BRD1: variants seen among roughly 807,000 people sequenced by gnomAD.
BRD1 encodes bromodomain-containing protein 1.
A neutral mutation model predicts 107.7 loss-of-function variants in BRD1; 24 were observed. The observed-to-expected ratio is 0.22, with a 90% CI of 0.16 to 0.31. The LOEUF is 0.31. Among genes scored for constraint, BRD1 ranks in the 10% least tolerant of loss-of-function variants. The pLI is 1.00. For synonymous variants in BRD1, 744 were observed against 686.1 expected (o/e 1.08, Z -1.32); for missense variants, 1,279 against 1,638.6 (o/e 0.78, Z 3.79).
At chr22:49,819,094 C>CA (rs1401439544) in intron 2 of BRD1, among the ~76,000 whole-genome samples, 3 of 150,112 alleles carry the variant, frequency 2.0e-5, no homozygotes, top group Non-Finnish European at 3.0e-5. Context: ...CCCATCTCTA[C>CA]AAAAAAAATA....
chr22:49,797,548 T>C (rs376546988), intron 6 of BRD1, among the ~76,000 whole-genome samples: 1 of 152,126 alleles, frequency 6.6e-6, no homozygotes, highest in Non-Finnish European at 1.5e-5. Flanking sequence ...AGCTTATATA[T>C]CCTCAGTAAC....
intron 6 of BRD1, among the ~76,000 whole-genome samples, chr22:49,794,721 G>A (rs371651481): frequency 3.3e-5 from 5 of 152,192 alleles, no homozygotes; most frequent in African/African-American, 2.4e-5. Flanking sequence ...CAGAGGTGAC[G>A]ACTGGCAAAT....
chr22:49,800,905 G>A (rs1452706565), intron 3 of BRD1, among the ~76,000 whole-genome samples: 4 of 146,644 alleles, frequency 2.7e-5, no homozygotes, highest in African/African-American at 7.6e-5. Context: ...AGGGCTAGGC[G>A]ACGGTCAGGT....
At chr22:49,808,820 C>T (rs963441122) in intron 2 of BRD1, among the ~76,000 whole-genome samples, 4 of 152,130 alleles carry the variant, frequency 2.6e-5, no homozygotes, top group African/African-American at 9.7e-5. Context: ...TGAGTCAATA[C>T]ATCAGAAGAA....
chr22:49,786,164 G>C (rs1314288323), intron 8 of BRD1, among the ~76,000 whole-genome samples: 1 of 150,232 alleles, frequency 6.7e-6, no homozygotes, highest in Non-Finnish European at 1.5e-5. Context: ...AGGTATAACA[G>C]GCAGACAGGA....
Position 49,787,310 on chromosome 22 carries a change from C to T in BRD1, c.2857+80G>A, listed in dbSNP as rs1039152986. On this transcript the variant is annotated intron_variant, in intron 8 of 12. Transcript: ENST00000404760. ...AACAGAAGCTGGACACCCCCCCCCC[C>T]CCGTCACACCAATGATCCTGAAGGA... 12 of 1,138,788 alleles carry T rather than the reference C, an allele frequency of 1.1e-5. 1 individual carries two copies. Among genetic ancestry groups the T allele is most frequent in the Admixed American group, 5.9e-5 (2 of 33,634 alleles). The allele number at this position is 1,138,788 out of a possible 1,614,324, so 70.5% of individuals were successfully genotyped here.
chr22:49,798,250 C>T, intron 5 of BRD1, 133 bp from the exon 6 acceptor site: 1 of 1,015,956 alleles, frequency 9.8e-7, no homozygotes, highest in Non-Finnish European at 1.4e-6. Context: ...ACGGTACAGA[C>T]ATAAGACCCA....
intron 1 of BRD1, among the ~76,000 whole-genome samples, chr22:49,827,104 G>A (rs771192455): frequency 5.3e-5 from 8 of 151,856 alleles, no homozygotes; most frequent in Non-Finnish European, 1.0e-4. Context: ...TTACATAAGG[G>A]GCGGCCCGGC....
chr22:49,814,514 A>G (rs1405624665), intron 2 of BRD1, among the ~76,000 whole-genome samples: 1 of 152,220 alleles, frequency 6.6e-6, no homozygotes, highest in Non-Finnish European at 1.5e-5. Context: ...GTGCATGGGC[A>G]AGGGCCACAT....
intron 2 of BRD1, among the ~76,000 whole-genome samples, chr22:49,812,090 A>G (rs1039440423): frequency 6.7e-6 from 1 of 150,358 alleles, no homozygotes; most frequent in Non-Finnish European, 1.5e-5. Flanking sequence ...TATGGCAAGG[A>G]GCACAGTCTG....
chr22:49,804,485 A>G (rs1331151374), intron 2 of BRD1, 125 bp from the exon 3 acceptor site: 2 of 1,080,884 alleles, frequency 1.9e-6, no homozygotes, highest in Middle Eastern at 2.3e-4. Flanking sequence ...CTAAGCCATG[A>G]CACCTGTATT....
At chr22:49,791,168 C>T (rs935527089) in intron 7 of BRD1, among the ~76,000 whole-genome samples, 7 of 152,254 alleles carry the variant, frequency 4.6e-5, no homozygotes, top group Admixed American at 1.3e-4. Flanking sequence ...ACCCAGCTGA[C>T]ACGCAGCCCC....
At chr22:49,825,713 ACCCACAGCAG>A (rs1306614139) in intron 1 of BRD1, 2 of 152,264 alleles carry the variant, frequency 1.3e-5, no homozygotes, top group African/African-American at 4.8e-5. Context: ...GATCAGGGGC[ACCCACAGCAG>A]CCTTACCCTG....
At chr22:49,816,965 C>T (rs1476182705) in intron 2 of BRD1, among the ~76,000 whole-genome samples, 1 of 152,224 alleles carries the variant, frequency 6.6e-6, no homozygotes, top group Non-Finnish European at 1.5e-5. Flanking sequence ...TCCGCCAGGA[C>T]CTGAGGGAAG....
At position 49,783,670 on chromosome 22, in the gene BRD1, G is replaced by A. The variant is rs1032082954; in HGVS notation, c.2857+3720C>T. ...TCCAGAGGGAAGGCTGAGGTGCCACGACATCCCGCCAGCTCCAGGCGTGCA... is the reference window on the plus strand; with the variant it reads ...TCCAGAGGGAAGGCTGAGGTGCCACAACATCCCGCCAGCTCCAGGCGTGCA... On this transcript the variant is annotated intron_variant, in intron 8 of 12. Transcript: ENST00000404760. The surrounding 1 kb of genome is among the most constrained non-coding windows in gnomAD (Gnocchi z 4.2). 1.4e-5 allele frequency among the ~76,000 whole-genome samples: 2 copies of A among 144,630 alleles called. No homozygotes were observed. Among genetic ancestry groups the A allele is most frequent in the South Asian group, 2.4e-4 (1 of 4,134 alleles). The allele number at this position is 144,630 out of a possible 152,430, so 94.9% of individuals were successfully genotyped here.
chr22:49,823,492 TG>T lies in BRD1; in HGVS notation c.825del (p.Asn276ThrfsTer40). The T allele has an allele frequency of 6.2e-7, 1 of 1,607,412 alleles. No homozygotes were observed. On this transcript the variant is annotated frameshift_variant, in exon 2 of 13. Transcript: ENST00000404760. LOFTEE classifies it high-confidence loss of function. Reference protein sequence around the residue: ...RARPADCVLCPNKGGAFKKTD... With the variant: ...RARPADCVLCXNKGGAFKKTD... ...GTCTTTTTGAAGGCACCACCCTTGT[TG>T]GGGCACAGCACACAGTCGGCGGGCC...
At chr22:49,779,253 G>A (rs1011659863) in intron 8 of BRD1, among the ~76,000 whole-genome samples, 4 of 152,130 alleles carry the variant, frequency 2.6e-5, no homozygotes, top group African/African-American at 7.2e-5. Flanking sequence ...TTTTCCACCC[G>A]CTTCGTACGC....
At chr22:49,818,372 A>T in intron 2 of BRD1, 1 of 1,218,814 alleles carries the variant, frequency 8.2e-7, no homozygotes, top group African/African-American at 1.6e-5. Context: ...TCTACTTTGC[A>T]TTCTGATGAA....
At chr22:49,816,837 G>A (rs2059962244) in intron 2 of BRD1, among the ~76,000 whole-genome samples, 1 of 152,242 alleles carries the variant, frequency 6.6e-6, no homozygotes, top group Non-Finnish European at 1.5e-5. Context: ...CTACCCTGCA[G>A]GGAATAGTAA....
Sources: gnomAD v4.1 joint callset for allele counts (sites outside exome capture counted in the v4.1 genomes callset) on GRCh38, gnomAD v4.1.1 for gene constraint, Gnocchi (gnomAD v3.1) non-coding constraint, MANE v1.5 for transcripts, NCBI Gene and HGNC (gene_info 2026-07-23, HGNC 2026-07-21) for gene names.